The following BCORL1 variants were observed in gnomAD, a reference collection of about 807,000 sequenced individuals.
The protein encoded by BCORL1 is BCL-6 corepressor-like protein 1.
BCORL1 carries 7 observed loss-of-function variants against 87.6 expected under a neutral mutation model. The observed-to-expected ratio is 0.08, with a 90% CI of 0.05 to 0.15. The LOEUF is 0.15. Ranked by LOEUF, BCORL1 falls within the 10% of genes least tolerant of loss-of-function variation. BCORL1 has a pLI of 1.00. For missense variants in BCORL1, 1,215 were observed against 1,499.7 expected, an observed-to-expected ratio of 0.81 and a Z score of 3.13; for synonymous variants, 591 against 634.4, an observed-to-expected ratio of 0.93 and a Z score of 1.03.
chrX:129,991,852 G>A (rs1447020173), intron 1 of BCORL1, among the ~76,000 whole-genome samples: 3 of 99,342 alleles, frequency 3.0e-5, no homozygotes, highest in African/African-American at 7.5e-5. Context: ...TTTTAGTAGA[G>A]ACGGGGTTTC....
At position 130,019,176 on chromosome X, in the gene BCORL1, C is replaced by T. The variant is rs749231639; in HGVS notation, c.3442-1809C>T. 1.3e-4 allele frequency among the ~76,000 whole-genome samples: 15 copies of T among 112,322 alleles called. No individual in the cohort carries two copies. In the East Asian group the frequency reaches 3.3e-3, roughly 25 times the overall value. ...AACTTCATGCATAAGTTGGAGTGTG[C>T]GAAATATTTTTATTCCTGACCTCAG... On this transcript the variant is annotated intron_variant, in intron 4 of 13. Transcript: ENST00000540052.
intron 5 of BCORL1, 88 bp from the exon 6 acceptor site, chrX:130,022,809 C>A: frequency 1.3e-6 from 1 of 792,109 alleles, no homozygotes; most frequent in Non-Finnish European, 1.9e-6. Flanking sequence ...CTCAATCTTT[C>A]CCCCGAGCCT....
In BCORL1 at chrX:130,051,138, G is replaced by A. The variant is rs774766290; in HGVS notation, c.4918+344G>A. ...ATTCCAGTATTGCTCACACTCAAGA[G>A]GGACCCCACCCCTCACCTGAGACCT... On this transcript the variant is annotated intron_variant, in intron 12 of 13. Transcript: ENST00000540052. Among the ~76,000 whole-genome samples the A allele has an allele frequency of 2.7e-5, 3 of 111,931 alleles. No homozygotes were observed. The South Asian group carries it at 1.1e-3, about 42-fold the overall frequency.
chrX:130,022,274 G>A (rs1603127609), intron 5 of BCORL1, among the ~76,000 whole-genome samples: 1 of 70,133 alleles, frequency 1.4e-5, no homozygotes. Context: ...TTGAGATGGA[G>A]TCTCACTCTG....
chrX:130,037,501 C>T lies in BCORL1; in HGVS notation c.4662C>T (p.Ala1554=). Residue 1554 remains alanine (A), a synonymous_variant, in exon 10 of 14, where the codon GCC becomes GCT. Transcript: ENST00000540052. ...DILNILLEHG[A]NVNCSAQDGT... ...TGAACATCCTGCTGGAGCACGGGGC[C>T]AACGTGAACTGCAGTGCGCAGGACG... 1 of 1,211,378 alleles carries T rather than the reference C, an allele frequency of 8.3e-7. No individual in the cohort carries two copies. Among genetic ancestry groups the T allele is most frequent in the Non-Finnish European group, 1.1e-6 (1 of 895,337 alleles).
At chrX:129,990,541 A>G (rs1927051788) in intron 1 of BCORL1, among the ~76,000 whole-genome samples, 1 of 111,346 alleles carries the variant, frequency 9.0e-6, no homozygotes, top group African/African-American at 3.3e-5. Context: ...CTATTATTAT[A>G]TTATTATCTA....
chrX:129,983,661 T>A (rs1175657861), intron 1 of BCORL1, among the ~76,000 whole-genome samples: 1 of 100,673 alleles, frequency 9.9e-6, no homozygotes, highest in Non-Finnish European at 2.0e-5. Context: ...AGGCGGGGGA[T>A]GACTTCGGAG....
intron 11 of BCORL1, among the ~76,000 whole-genome samples, chrX:130,050,362 C>G (rs181664214): frequency 7.2e-5 from 8 of 110,374 alleles, no homozygotes; most frequent in Admixed American, 9.7e-5. Flanking sequence ...CACTTGAGCC[C>G]AGGAGTTCAA....
intron 13 of BCORL1, among the ~76,000 whole-genome samples, chrX:130,053,297 C>A (rs765995416): frequency 6.4e-4 from 70 of 109,422 alleles, no homozygotes; most frequent in Non-Finnish European, 1.2e-3. Flanking sequence ...GCCCTCCCCC[C>A]CACCACCCCA....
chrX:130,048,150 A>G (rs754415284), intron 11 of BCORL1, among the ~76,000 whole-genome samples: 5 of 112,365 alleles, frequency 4.4e-5, no homozygotes, highest in African/African-American at 1.6e-4. Flanking sequence ...ATCACCTGGA[A>G]GGTTGCTAAA....
At position 130,034,681 on chromosome X, in the gene BCORL1, G is replaced by A; in HGVS notation, c.4527+5G>A. 1.0e-6 allele frequency: 1 copy of A among 976,722 alleles called. No individual in the cohort carries two copies. The highest frequency in any genetic ancestry group is 2.0e-5 in the South Asian group (1 of 50,365). The allele number at this position is 976,722 out of a possible 1,213,427, so 80.5% of individuals were successfully genotyped here. On this transcript the variant is annotated splice_donor_5th_base_variant and intron_variant, in intron 9 of 13. Coordinates refer to ENST00000540052, the MANE Select transcript of BCORL1 (RefSeq NM_001379451.1). ...GCGGCGCGTCTTGGCTATAAGGTAA[G>A]GGAGTTTTCGACTGACCACAGGGCG...
chrX:130,025,511 G>T (rs1056716203), intron 7 of BCORL1, 132 bp downstream of exon 7: 6 of 595,276 alleles, frequency 1.0e-5, no homozygotes, highest in Admixed American at 4.1e-5. Flanking sequence ...TGCCAGAGGG[G>T]GTCACTCAAC....
chrX:130,056,177 C>T lies in BCORL1; in HGVS notation c.*41C>T, dbSNP rs775315599. ...CTCCTCTTCTTTCTCCTTCCGAGTT[C>T]GCCCTTCCCCCACCTCCTTGTCTTT... On this transcript the variant is annotated 3_prime_UTR_variant, in exon 14 of 14. Coordinates refer to ENST00000540052, the MANE Select transcript of BCORL1 (RefSeq NM_001379451.1). The T allele has an allele frequency of 2.0e-5, 22 of 1,103,368 alleles. No individual in the cohort carries two copies. Among genetic ancestry groups the T allele is most frequent in the East Asian group, 3.2e-5 (1 of 31,146 alleles). The allele number at this position is 1,103,368 out of a possible 1,213,427, so 90.9% of individuals were successfully genotyped here. A position where few individuals can be genotyped will look rare whatever the true frequency, so the allele number is the denominator to read the frequency against.
chrX:129,989,143 C>T (rs1057174291), intron 1 of BCORL1, among the ~76,000 whole-genome samples: 1 of 109,834 alleles, frequency 9.1e-6, no homozygotes, highest in Non-Finnish European at 1.9e-5. Context: ...AACTTACTTT[C>T]GTTCTTTTTT....
intron 1 of BCORL1, among the ~76,000 whole-genome samples, chrX:130,004,820 C>T (rs1928362582): frequency 8.9e-6 from 1 of 112,183 alleles, no homozygotes; most frequent in South Asian, 3.6e-4. Flanking sequence ...TGTTTTAGTG[C>T]ACCATTCATA....
chrX:130,011,313 C>T (rs1429386024), intron 2 of BCORL1, among the ~76,000 whole-genome samples: 1 of 110,202 alleles, frequency 9.1e-6, no homozygotes, highest in African/African-American at 3.3e-5. Context: ...TCTCGGCTCA[C>T]TGCAACCTCC....
At chrX:130,055,763 C>G in intron 13 of BCORL1, 91 bp from the exon 14 acceptor site, 1 of 961,788 alleles carries the variant, frequency 1.0e-6, no homozygotes. Flanking sequence ...GATGGTCGTG[C>G]AGCCTTTGTG....
At chrX:130,049,222 A>G (rs1931937078) in intron 11 of BCORL1, among the ~76,000 whole-genome samples, 1 of 112,318 alleles carries the variant, frequency 8.9e-6, no homozygotes, top group African/African-American at 3.2e-5. Context: ...GGAACGACCA[A>G]ACTTTTCCAC....
Position 130,004,241 on chromosome X carries a change from G to GTT in BCORL1, c.-44-927_-44-926dup, listed in dbSNP as rs1189082044. 7.1e-4 allele frequency among the ~76,000 whole-genome samples: 61 copies of GTT among 85,568 alleles called. 1 individual carries two copies. Among genetic ancestry groups the GTT allele is most frequent in the East Asian group, 1.8e-3 (5 of 2,781 alleles). The allele number at this position is 85,568 out of a possible 115,157, so 74.3% of individuals were successfully genotyped here. A position where few individuals can be genotyped will look rare whatever the true frequency, so the allele number is the denominator to read the frequency against. On this transcript the variant is annotated intron_variant, in intron 1 of 13. Transcript: ENST00000540052. ...GAAGGGACAAGGACAGAAATGTGTGGTTTTTTTTTTTTTTTTTTTTTGAGA... is the reference window on the plus strand; with the variant it reads ...GAAGGGACAAGGACAGAAATGTGTGGTTTTTTTTTTTTTTTTTTTTTTTGAGA...
Sources: allele counts gnomAD v4.1 joint callset (sites outside exome capture counted in the v4.1 genomes callset), GRCh38; gene constraint gnomAD v4.1.1; transcripts MANE v1.5; gene names NCBI Gene and HGNC (gene_info 2026-07-23, HGNC 2026-07-21).